The following TRPM3 variants were observed in gnomAD, a reference collection of about 807,000 sequenced individuals.
TRPM3 encodes the protein transient receptor potential cation channel subfamily M member 3.
Under a neutral mutation model 181.2 loss-of-function variants are expected in TRPM3, and 77 were observed. That is an observed-to-expected ratio of 0.42 (90% CI 0.35 to 0.51). The LOEUF is 0.51. TRPM3 is among the 20% of genes least tolerant of loss of function. TRPM3 has a pLI of 0.01. For missense variants in TRPM3, 1,759 were observed against 2,196.7 expected (o/e 0.80, Z 3.98); for synonymous variants, 745 against 796.4 (o/e 0.94, Z 1.09).
At chr9:70,762,769 G>A (rs2078377683) in intron 7 of TRPM3, among the ~76,000 whole-genome samples, 1 of 152,196 alleles carries the variant, frequency 6.6e-6, no homozygotes, top group Admixed American at 6.5e-5. Flanking sequence ...AGAGCCCAAT[G>A]TTTAAGTTCA....
intron 9 of TRPM3, among the ~76,000 whole-genome samples, chr9:70,643,834 T>A (rs971744995): frequency 1.3e-5 from 2 of 152,260 alleles, no homozygotes; most frequent in African/African-American, 4.8e-5. Context: ...AATGTGAGGA[T>A]AAAATTAAGA....
At chr9:71,427,225 C>T (rs2093880395) in intron 1 of TRPM3, among the ~76,000 whole-genome samples, 1 of 152,088 alleles carries the variant, frequency 6.6e-6, no homozygotes, top group Non-Finnish European at 1.5e-5. Flanking sequence ...CTCCTTAAAC[C>T]CTCCTCAGTC....
At position 70,863,029 on chromosome 9, in the gene TRPM3, C is replaced by T. The variant is rs201455474; in HGVS notation, c.341G>A (p.Arg114His). 39 of 1,613,552 alleles carry T rather than the reference C, an allele frequency of 2.4e-5. No homozygotes were observed. Among genetic ancestry groups the T allele is most frequent in the Admixed American group, 1.2e-4 (7 of 59,960 alleles). The change falls in exon 3 of 26, where the codon CGC becomes CAC. Residue 114 changes from arginine (R) to histidine (H), a missense_variant. Transcript: ENST00000677713. The part of the protein sequence containing the change: ...SVLQNEKNES[R>H]LSRNDIQSEK... ...AGACTGGATGTCATTTCGGGAGAGG[C>T]GACTTTCATTTTTCTCATTCTGAAG...
intron 1 of TRPM3, among the ~76,000 whole-genome samples, chr9:71,226,494 A>G (rs1291403648): frequency 1.3e-5 from 2 of 152,174 alleles, no homozygotes; most frequent in East Asian, 3.8e-4. Flanking sequence ...AAGATATCCT[A>G]TGCAAATGGA....
intron 1 of TRPM3, among the ~76,000 whole-genome samples, chr9:70,877,344 A>G (rs2095886048): frequency 2.0e-5 from 3 of 152,024 alleles, no homozygotes; most frequent in Admixed American, 6.6e-5. Flanking sequence ...ATAGAAGGGT[A>G]AAAATATCAT....
chr9:70,915,170 T>C (rs983149686), intron 1 of TRPM3, among the ~76,000 whole-genome samples: 4 of 152,212 alleles, frequency 2.6e-5, no homozygotes, highest in African/African-American at 9.6e-5. Flanking sequence ...ATAGCTGTTT[T>C]GAGGAAACTC....
intron 1 of TRPM3, among the ~76,000 whole-genome samples, chr9:71,150,106 G>C (rs17056345): frequency 0.016 from 2,500 of 152,046 alleles, 37 homozygotes; most frequent in East Asian, 0.074. Context: ...AAAAAAATTA[G>C]AGGGCAGAAA....
At chr9:70,946,742 T>C (rs1468354660) in intron 1 of TRPM3, among the ~76,000 whole-genome samples, 1 of 152,078 alleles carries the variant, frequency 6.6e-6, no homozygotes, top group Non-Finnish European at 1.5e-5. Context: ...GCCCCCCACC[T>C]GGTCCCCCAA....
At chr9:71,226,909 G>C (rs1379502643) in intron 1 of TRPM3, among the ~76,000 whole-genome samples, 1 of 151,750 alleles carries the variant, frequency 6.6e-6, no homozygotes, top group Non-Finnish European at 1.5e-5. Flanking sequence ...AATATTTATA[G>C]AACATTTAAT....
chr9:71,303,906 A>T (rs1166332175), intron 1 of TRPM3, among the ~76,000 whole-genome samples: 1 of 152,226 alleles, frequency 6.6e-6, no homozygotes, highest in East Asian at 1.9e-4. Flanking sequence ...AAAACAAAAA[A>T]AAAAGATTCT....
At chr9:70,779,245 C>T (rs1417175161) in intron 7 of TRPM3, among the ~76,000 whole-genome samples, 2 of 152,108 alleles carry the variant, frequency 1.3e-5, no homozygotes, top group East Asian at 3.9e-4. Flanking sequence ...GTATTTTCCC[C>T]ATTGATAACT....
intron 1 of TRPM3, among the ~76,000 whole-genome samples, chr9:71,034,994 C>T (rs1022268167): frequency 2.0e-5 from 3 of 152,056 alleles, no homozygotes; most frequent in Non-Finnish European, 4.4e-5. Flanking sequence ...TATCTTAACA[C>T]TGTTTCCTCG....
intron 1 of TRPM3, among the ~76,000 whole-genome samples, chr9:71,399,985 C>T (rs2093304917): frequency 6.6e-6 from 1 of 152,096 alleles, no homozygotes; most frequent in East Asian, 1.9e-4. Flanking sequence ...GACCAAATTA[C>T]TTAAACTTTC....
At position 70,625,417 on chromosome 9, in the gene TRPM3, A is replaced by G; in HGVS notation, c.1668+65T>C. ...TCTACTTCACGTATTCTGTAACTAG[A>G]GTAAAAAAAAAATAATGAAAAAAGA... On this transcript the variant is annotated intron_variant, in intron 13 of 25. Transcript: ENST00000677713. The surrounding 1 kb of genome is among the most constrained non-coding windows in gnomAD (Gnocchi z 4.8). 1.3e-6 allele frequency: 2 copies of G among 1,585,940 alleles called. No individual in the cohort carries two copies. The highest frequency in any genetic ancestry group is 1.7e-6 in the Non-Finnish European group (2 of 1,168,464).
At chr9:70,540,964 G>A (rs369653909) in intron 25 of TRPM3, among the ~76,000 whole-genome samples, 3 of 151,996 alleles carry the variant, frequency 2.0e-5, no homozygotes, top group East Asian at 1.9e-4. Flanking sequence ...TCAAGTGATC[G>A]ATCACCCGCC....
At chr9:71,131,897 C>T (rs1404898114) in intron 1 of TRPM3, among the ~76,000 whole-genome samples, 2 of 152,128 alleles carry the variant, frequency 1.3e-5, no homozygotes, top group Non-Finnish European at 2.9e-5. Context: ...AATTCAATTG[C>T]CACTCATTAA....
At chr9:70,839,089 C>T (rs887122127) in intron 5 of TRPM3, among the ~76,000 whole-genome samples, 4 of 152,074 alleles carry the variant, frequency 2.6e-5, no homozygotes, top group South Asian at 2.1e-4. Context: ...AAAATGTCCC[C>T]ACTGTAGTCA....
chr9:71,127,501 C>A (rs2074116228), intron 1 of TRPM3, among the ~76,000 whole-genome samples: 1 of 152,170 alleles, frequency 6.6e-6, no homozygotes, highest in African/African-American at 2.4e-5. Flanking sequence ...TCTATCCAAA[C>A]CTAAGTGCCT....
intron 1 of TRPM3, among the ~76,000 whole-genome samples, chr9:71,091,711 TC>T (rs2066252670): frequency 1.3e-5 from 2 of 152,290 alleles, no homozygotes; most frequent in Non-Finnish European, 2.9e-5. Flanking sequence ...ACTGTCATTT[TC>T]AGCTTGCAAC....
Sources: gnomAD v4.1 joint callset for allele counts (sites outside exome capture counted in the v4.1 genomes callset) on GRCh38, gnomAD v4.1.1 for gene constraint, Gnocchi (gnomAD v3.1) non-coding constraint, MANE v1.5 for transcripts, NCBI Gene and HGNC (gene_info 2026-07-23, HGNC 2026-07-21) for gene names.